The following MTERF2 variants were observed in gnomAD, a reference collection of about 807,000 sequenced individuals.
MTERF2 encodes the protein transcription termination factor 2, mitochondrial.
MTERF2 carries 23 observed loss-of-function variants against 29.2 expected under a neutral mutation model. The observed-to-expected ratio is 0.79, with a 90% CI of 0.57 to 1.12. The LOEUF (loss-of-function observed/expected upper bound fraction) is 1.12, where lower values mean the gene tolerates loss of function less well. MTERF2 is among the 50% of genes most tolerant of loss of function. The pLI is 0.00. For missense variants in MTERF2, 440 were observed against 429.4 expected, an observed-to-expected ratio of 1.02 and a Z score of -0.22; for synonymous variants, 157 against 159.5, an observed-to-expected ratio of 0.98 and a Z score of 0.12.
intron 2 of MTERF2, among the ~76,000 whole-genome samples, chr12:106,984,430 CT>C (rs200258758): frequency 4.7e-4 from 72 of 152,084 alleles, no homozygotes; most frequent in Middle Eastern, 3.4e-3. Flanking sequence ...ATTCTTATCT[CT>C]TTTTTTTGTA....
intron 2 of MTERF2, among the ~76,000 whole-genome samples, chr12:106,983,636 T>C (rs1165298186): frequency 6.6e-6 from 1 of 152,194 alleles, no homozygotes; most frequent in Non-Finnish European, 1.5e-5. Flanking sequence ...TTAAGTTCAT[T>C]TGAAATTTCT....
At position 106,978,157 on chromosome 12, in the gene MTERF2, T is replaced by G. The variant is rs567952120; in HGVS notation, c.558A>C (p.Gln186His). 7.4e-6 allele frequency: 12 copies of G among 1,614,106 alleles called. No homozygotes were observed. The South Asian group carries it at 1.2e-4, about 16-fold the overall frequency. Reference protein sequence around the residue: ...VFHNPVEKNKQMVRILQESYL... With the variant: ...VFHNPVEKNKHMVRILQESYL... ...AACTCTCTTGGAGAATTCTTACCATTTGCTTATTCTTCTCAACAGGATTAT... is the reference window on the plus strand; with the variant it reads ...AACTCTCTTGGAGAATTCTTACCATGTGCTTATTCTTCTCAACAGGATTAT... The change falls in exon 3 of 3, where the codon CAA becomes CAC. Residue 186 changes from glutamine to histidine, a missense_variant. Physicochemically the swap from Gln to His is conservative, Grantham distance 24. Transcript: ENST00000240050.
rs1566230828 is a variant in MTERF2, at chr12:106,977,809, T to C, written c.906A>G (p.Arg302=). 6.2e-7 allele frequency: 1 copy of C among 1,613,986 alleles called. No homozygotes were observed. Among genetic ancestry groups the C allele is most frequent in the Non-Finnish European group, 8.5e-7 (1 of 1,180,006 alleles). Residue 302 remains arginine, a synonymous_variant, in exon 3 of 3, where the codon AGA becomes AGG. Coordinates refer to ENST00000240050, the MANE Select transcript of MTERF2 (RefSeq NM_001033050.3). ...LYYSVPVLEE[R]MQGLLREGIS... ...TTCCTTCTCTCAATAATCCTTGCAT[T>C]CTCTCTTCTAAAACTGGAACAGAAT...
At chr12:106,982,470 G>A (rs1204988206) in intron 2 of MTERF2, among the ~76,000 whole-genome samples, 1 of 152,136 alleles carries the variant, frequency 6.6e-6, no homozygotes, top group Non-Finnish European at 1.5e-5. Context: ...AACTGACTAT[G>A]GAAGTGAAAA....
intron 2 of MTERF2, among the ~76,000 whole-genome samples, chr12:106,979,901 T>C (rs577192453): frequency 6.6e-5 from 10 of 152,208 alleles, no homozygotes; most frequent in Admixed American, 5.2e-4. Context: ...CTTTTTTTTT[T>C]AACTTTATTT....
rs755616189 is a variant in MTERF2, at chr12:106,978,738, CCACCG to C, written c.-29_-25del. 3.1e-6 allele frequency: 5 copies of C among 1,601,024 alleles called. No homozygotes were observed. The East Asian group carries it at 1.1e-4, about 36-fold the overall frequency. On this transcript the variant is annotated 5_prime_UTR_variant, in exon 3 of 3. The change abolishes the stop of an existing upstream ORF in the 5' untranslated region. Transcript: ENST00000240050. Reference sequence around the variant, plus strand: ...ATGGCTGCAATCTACTAGCTAGTTTCCACCGTCCTGGGACTTAAATGGACTCATTC... The same window carrying C: ...ATGGCTGCAATCTACTAGCTAGTTTCTCCTGGGACTTAAATGGACTCATTC...
chr12:106,984,743 T>C (rs576833540), intron 2 of MTERF2, among the ~76,000 whole-genome samples: 10 of 152,332 alleles, frequency 6.6e-5, no homozygotes, highest in Non-Finnish European at 1.0e-4. Context: ...ACTCTTTTCT[T>C]GTCTGCCACG....
rs752545758 is a variant in MTERF2 at position 106,977,844 on chromosome 12, G to C, written c.871C>G (p.Leu291Val). The C allele has an allele frequency of 6.2e-7, 1 of 1,613,858 alleles. No individual in the cohort carries two copies. Among genetic ancestry groups the C allele is most frequent in the South Asian group, 1.1e-5 (1 of 91,072 alleles). Residue 291 changes from leucine (L) to valine (V), a missense_variant, in exon 3 of 3, where the codon CTT becomes GTT. Leu to Val is a conservative substitution (Grantham distance 32, BLOSUM62 1). Transcript: ENST00000240050. Reference sequence around the variant, plus strand: ...AAAACTGGAACAGAATAATATAAAAGGGCAGGACATTTCAAAACTAATTGC... The same window carrying C: ...AAAACTGGAACAGAATAATATAAAACGGCAGGACATTTCAAAACTAATTGC... ...LKQLVLKCPA[L>V]LYYSVPVLEE...
intron 2 of MTERF2, among the ~76,000 whole-genome samples, chr12:106,979,705 G>C (rs1952032266): frequency 6.6e-6 from 1 of 152,156 alleles, no homozygotes; most frequent in Admixed American, 6.5e-5. Context: ...AATGGTGACT[G>C]TACTTTCAGA....
At position 106,977,491 on chromosome 12, in the gene MTERF2, G is replaced by T; in HGVS notation, c.*66C>A. 6.8e-7 allele frequency: 1 copy of T among 1,479,440 alleles called. No individual in the cohort carries two copies. Among genetic ancestry groups the T allele is most frequent in the Non-Finnish European group, 9.1e-7 (1 of 1,101,044 alleles). 91.6% of individuals were successfully genotyped at this position (1,479,440 alleles called of 1,614,324 possible). ...AATTACTGGTGTCTACAAACTGCCT[G>T]AATTTTTGTCTTTGCTAGTTAGTTT... is the stretch of plus-strand genomic sequence containing the variant. On this transcript the variant is annotated 3_prime_UTR_variant, in exon 3 of 3. Transcript: ENST00000240050.
intron 2 of MTERF2, among the ~76,000 whole-genome samples, 175 bp from the exon 3 acceptor site, chr12:106,978,946 A>C (rs1952023802): frequency 6.6e-6 from 1 of 152,078 alleles, no homozygotes; most frequent in Non-Finnish European, 1.5e-5. Context: ...TTGAACCCAG[A>C]AGCCCGAGGT....
chr12:106,978,035 A>G lies in MTERF2; in HGVS notation c.680T>C (p.Ile227Thr), dbSNP rs1952007974. The change falls in exon 3 of 3, where the codon ATA (isoleucine) becomes ACA (threonine). Residue 227 changes from isoleucine to threonine, a missense_variant. Ile to Thr is a moderately conservative substitution (Grantham distance 89). Transcript: ENST00000240050. ...CTGGAGAAATTCTAGTGTTTCCTTTATAGCTGTGGGAGAATTTAACAAAAT... is the reference window on the plus strand; with the variant it reads ...CTGGAGAAATTCTAGTGTTTCCTTTGTAGCTGTGGGAGAATTTAACAAAAT... ...PFILLNSPTA[I>T]KETLEFLQEQ... is the part of the protein sequence containing the mutation. The G allele has an allele frequency of 1.1e-5, 18 of 1,614,026 alleles. No homozygotes were observed. The highest frequency in any genetic ancestry group is 1.5e-5 in the Non-Finnish European group (18 of 1,180,012).
rs1951994470 is a variant in MTERF2, at chr12:106,977,384, A to G, written c.*173T>C. ...CCTTATTAAAATAAATATGATTTATATTTTATAATATGGCACATGAGTCAG... is the reference window on the plus strand; with the variant it reads ...CCTTATTAAAATAAATATGATTTATGTTTTATAATATGGCACATGAGTCAG... On this transcript the variant is annotated 3_prime_UTR_variant, in exon 3 of 3. Coordinates refer to ENST00000240050, the MANE Select transcript of MTERF2 (RefSeq NM_001033050.3). 2.2e-6 allele frequency: 1 copy of G among 461,812 alleles called. No homozygotes were observed. Among genetic ancestry groups the G allele is most frequent in the Non-Finnish European group, 3.5e-6 (1 of 286,746 alleles). 28.6% of individuals were successfully genotyped at this position (461,812 alleles called of 1,614,324 possible). A position where few individuals can be genotyped will look rare whatever the true frequency, so the allele number is the denominator to read the frequency against.
At chr12:106,979,386 A>G (rs991142996) in intron 2 of MTERF2, among the ~76,000 whole-genome samples, 7 of 152,176 alleles carry the variant, frequency 4.6e-5, no homozygotes, top group Admixed American at 4.6e-4. Flanking sequence ...AAATGGGCCA[A>G]TTATTTTATT....
intron 1 of MTERF2, chr12:106,986,610 G>A (rs1363753704): frequency 6.6e-6 from 1 of 152,186 alleles, no homozygotes; most frequent in Non-Finnish European, 1.5e-5. Context: ...GCTGTTCTAG[G>A]ATGCTTGTTT....
At position 106,977,597 on chromosome 12, in the gene MTERF2, G is replaced by A. The variant is rs1349194513; in HGVS notation, c.1118C>T (p.Pro373Leu). 1 of 1,613,410 alleles carries A rather than the reference G, an allele frequency of 6.2e-7. No homozygotes were observed. The highest frequency in any genetic ancestry group is 1.3e-5 in the African/African-American group (1 of 74,964). ...TAATGGTGCCACAGGGTTAAATAAT[G>A]GCCTTACTTTTTTGGCCTGAATTTT... is the stretch of plus-strand genomic sequence containing the variant. ...FGKIQAKKVRPLFNPVAPLNV... is the reference protein window; with the variant it reads ...FGKIQAKKVRLLFNPVAPLNV... Residue 373 changes from proline (P) to leucine (L), a missense_variant, in exon 3 of 3, where the codon CCA becomes CTA. Pro to Leu is a moderately conservative substitution (Grantham distance 98). Transcript: ENST00000240050.
Position 106,978,250 on chromosome 12 carries a change from G to T in MTERF2, c.465C>A (p.Phe155Leu). The T allele has an allele frequency of 6.2e-7, 1 of 1,613,966 alleles. No individual in the cohort carries two copies. The highest frequency in any genetic ancestry group is 8.5e-7 in the Non-Finnish European group (1 of 1,180,008). ...DQENQKLNVQFFQELGLKNVV... is the reference protein window; with the variant it reads ...DQENQKLNVQLFQELGLKNVV... Reference sequence around the variant, plus strand: ...CATTTTTTAGTCCCAACTCTTGAAAGAACTGAACATTCAGCTTCTGGTTCT... The same window carrying T: ...CATTTTTTAGTCCCAACTCTTGAAATAACTGAACATTCAGCTTCTGGTTCT... Residue 155 changes from phenylalanine (F) to leucine (L), a missense_variant, in exon 3 of 3, where the codon TTC becomes TTA. Phe to Leu is a conservative substitution (Grantham distance 22). Transcript: ENST00000240050.
At position 106,977,734 on chromosome 12, in the gene MTERF2, T is replaced by C; in HGVS notation, c.981A>G (p.Pro327=). ...TCCTTATCCTGTACTGTACTATCTG[T>C]GGTGTTAATTCAAGAACCATTGGCG... is the stretch of plus-strand genomic sequence containing the variant. ...RETPMVLELT[P]QIVQYRIRKL... The change falls in exon 3 of 3, where the codon CCA becomes CCG. Residue 327 remains proline, a synonymous_variant. Transcript: ENST00000240050. The C allele has an allele frequency of 6.2e-7, 1 of 1,614,010 alleles. No individual in the cohort carries two copies. Among genetic ancestry groups the C allele is most frequent in the South Asian group, 1.1e-5 (1 of 91,080 alleles).
At position 106,986,038 on chromosome 12, in the gene MTERF2, A is replaced by G. The variant is rs1372216207; in HGVS notation, c.-168-813T>C. The G allele has an allele frequency of 2.0e-5, 3 of 152,204 alleles. No homozygotes were observed. In the East Asian group the frequency reaches 5.8e-4, roughly 29 times the overall value. The allele number at this position is 152,204 out of a possible 1,614,324, so 9.4% of individuals were successfully genotyped here. A position where few individuals can be genotyped will look rare whatever the true frequency, so the allele number is the denominator to read the frequency against. On this transcript the variant is annotated intron_variant, in intron 1 of 2. Transcript: ENST00000240050. ...CATGAATGACCTGCACTAGATTTAC[A>G]AGCGTTGGGAAGGCAGGAACTGAAC... is the stretch of plus-strand genomic sequence containing the variant.
Sources: gnomAD v4.1 joint callset for allele counts (sites outside exome capture counted in the v4.1 genomes callset) on GRCh38, gnomAD v4.1.1 for gene constraint, MANE v1.5 for transcripts, NCBI Gene and HGNC (gene_info 2026-07-23, HGNC 2026-07-21) for gene names.